Variants in RNF169 observed in about 807,000 individuals in gnomAD.
RNF169 encodes ring finger protein 169.
Under a neutral mutation model 53.9 loss-of-function variants are expected in RNF169, and 24 were observed. The observed-to-expected ratio is 0.45, with a 90% CI of 0.32 to 0.63. The LOEUF is 0.63. Among genes scored for constraint, RNF169 ranks in the 20% least tolerant of loss-of-function variants. RNF169 has a pLI of 0.04. For missense variants in RNF169, 883 were observed against 906.2 expected, an observed-to-expected ratio of 0.97 and a Z score of 0.33; for synonymous variants, 396 against 363.5, an observed-to-expected ratio of 1.09 and a Z score of -1.02.
At chr11:74,821,937 A>C (rs1176781800) in intron 4 of RNF169, among the ~76,000 whole-genome samples, 3 of 152,208 alleles carry the variant, frequency 2.0e-5, no homozygotes, top group Non-Finnish European at 4.4e-5. Context: ...AGAGTGTAAC[A>C]AAATATTACC....
intron 4 of RNF169, among the ~76,000 whole-genome samples, chr11:74,826,522 C>T (rs1192187448): frequency 6.6e-6 from 1 of 152,166 alleles, no homozygotes; most frequent in Non-Finnish European, 1.5e-5. Flanking sequence ...CTGGCCCCTC[C>T]CAAATATCAT....
At chr11:74,797,236 A>G (rs183422420) in intron 2 of RNF169, among the ~76,000 whole-genome samples, 2 of 152,354 alleles carry the variant, frequency 1.3e-5, no homozygotes, top group South Asian at 2.1e-4. Flanking sequence ...TCGAAATTAC[A>G]TTTTAAAGTT....
At chr11:74,796,921 G>C (rs1242095626) in intron 2 of RNF169, among the ~76,000 whole-genome samples, 3 of 152,140 alleles carry the variant, frequency 2.0e-5, no homozygotes, top group Non-Finnish European at 4.4e-5. Context: ...CTATTCACAG[G>C]TGTACACTAC....
At position 74,821,675 on chromosome 11, in the gene RNF169, A is replaced by G. The variant is rs1413988794; in HGVS notation, c.842+3961A>G. Reference sequence around the variant, plus strand: ...TCCGTCTCAAAAAAAAAAAAAAAAAAAAAAAAAGAATACAAGTGCGGGTCC... The same window carrying G: ...TCCGTCTCAAAAAAAAAAAAAAAAAGAAAAAAAGAATACAAGTGCGGGTCC... On this transcript the variant is annotated intron_variant, in intron 4 of 5. Transcript: ENST00000299563. Among the ~76,000 whole-genome samples the G allele has an allele frequency of 2.9e-5, 2 of 68,234 alleles. 1 individual carries two copies. Among genetic ancestry groups the G allele is most frequent in the Admixed American group, 2.5e-4 (2 of 7,976 alleles). 44.8% of individuals were successfully genotyped at this position (68,234 alleles called of 152,430 possible).
intron 4 of RNF169, among the ~76,000 whole-genome samples, chr11:74,824,321 C>T (rs767305398): frequency 4.7e-4 from 71 of 152,010 alleles, no homozygotes; most frequent in Admixed American, 9.2e-4. Context: ...ATTATCCAAT[C>T]TGAGAAACAG....
intron 2 of RNF169, among the ~76,000 whole-genome samples, chr11:74,804,848 C>T (rs950608160): frequency 1.3e-5 from 2 of 152,082 alleles, no homozygotes; most frequent in African/African-American, 4.8e-5. Flanking sequence ...ATATAAAGAA[C>T]TCTTGCTAAT....
intron 2 of RNF169, among the ~76,000 whole-genome samples, chr11:74,803,437 G>C (rs1478262693): frequency 6.6e-6 from 1 of 152,090 alleles, no homozygotes; most frequent in Non-Finnish European, 1.5e-5. Context: ...GATATGTTCT[G>C]GGTGTTATGA....
intron 2 of RNF169, chr11:74,807,710 C>T (rs2035824155): frequency 6.6e-6 from 1 of 152,058 alleles, no homozygotes; most frequent in African/African-American, 2.4e-5. Flanking sequence ...AACTTAATGC[C>T]TAGAACATAG....
intron 4 of RNF169, among the ~76,000 whole-genome samples, chr11:74,830,124 A>C (rs964513551): frequency 6.6e-6 from 1 of 152,200 alleles, no homozygotes. Context: ...TAAAAGATCT[A>C]AGACTAAACA....
rs2036293101 is a variant in RNF169 at position 74,838,623 on chromosome 11, G to C, written c.*1893G>C. ...TGTATGCATTCTGTGTTCTCTGTGT[G>C]TGTGCACATATGCAGATGTATGTTT... On this transcript the variant is annotated 3_prime_UTR_variant, in exon 6 of 6. Transcript: ENST00000299563. The C allele has an allele frequency of 6.6e-6, 1 of 152,234 alleles. No homozygotes were observed. The allele number at this position is 152,234 out of a possible 1,614,324, so 9.4% of individuals were successfully genotyped here.
At chr11:74,829,645 A>G (rs115400543) in intron 4 of RNF169, among the ~76,000 whole-genome samples, 3,182 of 152,316 alleles carry the variant, frequency 0.021, 131 homozygotes, top group African/African-American at 0.072. Flanking sequence ...GTATACCCCC[A>G]TGGAATACTA....
At chr11:74,773,448 A>G (rs989789742) in intron 1 of RNF169, among the ~76,000 whole-genome samples, 3 of 152,224 alleles carry the variant, frequency 2.0e-5, no homozygotes, top group African/African-American at 7.2e-5. Context: ...ATAAAATAAG[A>G]TGATAATTGT....
At chr11:74,812,242 T>G (rs1441864318) in intron 3 of RNF169, among the ~76,000 whole-genome samples, 1 of 152,122 alleles carries the variant, frequency 6.6e-6, no homozygotes, top group Non-Finnish European at 1.5e-5. Flanking sequence ...GTGTCAAGTT[T>G]TAGATTTTTG....
At chr11:74,750,588 CTTTTTTTTTTTTTTTT>C (rs71036015) in intron 1 of RNF169, among the ~76,000 whole-genome samples, 9 of 54,500 alleles carry the variant, frequency 1.7e-4, no homozygotes, top group African/African-American at 7.1e-4. Context: ...CTCCCCTCAC[CTTTTTTTTTTTTTTTT>C]TTTTTTTTTT....
chr11:74,820,600 T>C (rs746273407), intron 4 of RNF169, among the ~76,000 whole-genome samples: 7 of 152,194 alleles, frequency 4.6e-5, no homozygotes, highest in South Asian at 2.1e-4. Flanking sequence ...GGCTTGATGA[T>C]GGCCTGGGGT....
At chr11:74,785,229 T>TGTTAG (rs2035479152) in intron 1 of RNF169, among the ~76,000 whole-genome samples, 6 of 102,206 alleles carry the variant, frequency 5.9e-5, no homozygotes, top group South Asian at 6.0e-4. Context: ...ATGTTATATA[T>TGTTAG]ATTATATATA....
At position 74,835,719 on chromosome 11, in the gene RNF169, T is replaced by C; in HGVS notation, c.1116T>C (p.Asn372=). ...KPERSVSPES[N]DSISEELNHF... is the part of the protein sequence containing the mutation. ...AGCGTTCTGTCAGCCCTGAGAGCAA[T>C]GACAGCATCTCCGAAGAACTAAACC... Residue 372 remains asparagine (N), a synonymous_variant, in exon 6 of 6, where the codon AAT becomes AAC. Transcript: ENST00000299563. 2 of 1,614,164 alleles carry C rather than the reference T, an allele frequency of 1.2e-6. No homozygotes were observed. The highest frequency in any genetic ancestry group is 1.7e-6 in the Non-Finnish European group (2 of 1,180,016).
intron 1 of RNF169, among the ~76,000 whole-genome samples, chr11:74,774,952 C>T (rs1028494035): frequency 2.0e-5 from 3 of 151,828 alleles, no homozygotes; most frequent in East Asian, 1.9e-4. Context: ...AGAGACTGGA[C>T]GACAGAGTGA....
chr11:74,820,143 TAA>T (rs2035990895), intron 4 of RNF169, among the ~76,000 whole-genome samples: 1 of 152,028 alleles, frequency 6.6e-6, no homozygotes, highest in Non-Finnish European at 1.5e-5. Flanking sequence ...AGCATTCAGG[TAA>T]CAGAAACCAA....
Sources: allele counts gnomAD v4.1 joint callset (sites outside exome capture counted in the v4.1 genomes callset), GRCh38; gene constraint gnomAD v4.1.1; transcripts MANE v1.5; gene names NCBI Gene and HGNC (gene_info 2026-07-23, HGNC 2026-07-21).